CTNNA3: variants seen among roughly 807,000 people sequenced by gnomAD.
CTNNA3 encodes catenin alpha 3.
CTNNA3 carries 76 observed loss-of-function variants against 95.7 expected under a neutral mutation model. The observed-to-expected ratio is 0.79, with a 90% confidence interval of 0.66 to 0.96. The LOEUF is 0.96. Ranked by LOEUF, CTNNA3 falls within the 40% of genes least tolerant of loss-of-function variation. The probability of loss-of-function intolerance (pLI) is 0.00; values close to 1 mark genes in which losing one functional copy is unlikely to be tolerated. For synonymous variants in CTNNA3, 431 were observed against 374.4 expected, an observed-to-expected ratio of 1.15 and a Z score of -1.74; for missense variants, 1,191 against 1,089.8, an observed-to-expected ratio of 1.09 and a Z score of -1.31.
At chr10:66,032,018 A>T (rs2079457581) in intron 15 of CTNNA3, among the ~76,000 whole-genome samples, 2 of 152,228 alleles carry the variant, frequency 1.3e-5, no homozygotes, top group South Asian at 4.1e-4. Context: ...ATGAAAAATT[A>T]TGAAATAGAA....
At chr10:66,599,939 T>C (rs1030383266) in intron 10 of CTNNA3, among the ~76,000 whole-genome samples, 1 of 152,044 alleles carries the variant, frequency 6.6e-6, no homozygotes, top group Non-Finnish European at 1.5e-5. Context: ...TTGGGAAATG[T>C]TCACTTCTTA....
intron 3 of CTNNA3, among the ~76,000 whole-genome samples, chr10:67,570,159 G>T (rs556587631): frequency 6.6e-6 from 1 of 151,710 alleles, no homozygotes; most frequent in African/African-American, 2.4e-5. Context: ...TGCTGCATTC[G>T]ACATTTATTT....
intron 5 of CTNNA3, among the ~76,000 whole-genome samples, chr10:67,507,778 AT>A (rs1433091237): frequency 1.3e-5 from 2 of 152,168 alleles, no homozygotes; most frequent in Non-Finnish European, 2.9e-5. Flanking sequence ...AGAAAAGAAA[AT>A]TACAGGCCAA....
rs180743263 is a variant in CTNNA3, at chr10:67,154,050, A to T, written c.1047+26267T>A. 8.0e-3 allele frequency among the ~76,000 whole-genome samples: 1,222 copies of T among 152,064 alleles called. 8 individuals are homozygous for T. The highest frequency in any genetic ancestry group is 0.016 in the South Asian group (79 of 4,824). On this transcript the variant is annotated intron_variant, in intron 7 of 17. Coordinates refer to ENST00000433211, the MANE Select transcript of CTNNA3 (RefSeq NM_013266.4). ...CCAAAATTAAACAGAATTCTCAATT[A>T]AAAAAAACTTTGTTTTACAAACTAT...
At chr10:66,892,508 T>C (rs12250228) in intron 7 of CTNNA3, among the ~76,000 whole-genome samples, 13 of 150,990 alleles carry the variant, frequency 8.6e-5, no homozygotes, top group African/African-American at 2.9e-4. Context: ...ATAGTAAGTC[T>C]GGACACTTTT....
intron 2 of CTNNA3, among the ~76,000 whole-genome samples, chr10:67,618,771 T>C (rs1843737219): frequency 6.6e-6 from 1 of 152,182 alleles, no homozygotes; most frequent in Non-Finnish European, 1.5e-5. Flanking sequence ...AATTAAATAC[T>C]TATATTCAGT....
intron 15 of CTNNA3, among the ~76,000 whole-genome samples, chr10:65,994,061 C>T (rs932229357): frequency 6.6e-6 from 1 of 152,118 alleles, no homozygotes; most frequent in Non-Finnish European, 1.5e-5. Flanking sequence ...AATCCATTTA[C>T]CTTCAAAGTT....
chr10:66,385,234 C>G (rs192236208), intron 11 of CTNNA3, among the ~76,000 whole-genome samples: 1 of 151,956 alleles, frequency 6.6e-6, no homozygotes, highest in East Asian at 1.9e-4. Flanking sequence ...ATCAAATGAA[C>G]GCAATAAAAA....
At chr10:66,456,474 A>G (rs1045331554) in intron 11 of CTNNA3, among the ~76,000 whole-genome samples, 16 of 152,164 alleles carry the variant, frequency 1.1e-4, no homozygotes, top group African/African-American at 3.9e-4. Context: ...CCTGACCTGG[A>G]GTTTGAGACC....
intron 7 of CTNNA3, among the ~76,000 whole-genome samples, chr10:67,077,066 C>A (rs192070664): frequency 4.6e-5 from 7 of 152,252 alleles, no homozygotes; most frequent in African/African-American, 1.4e-4. Context: ...CCTCTGAGAC[C>A]TCCTAATCCC....
chr10:66,998,645 G>C (rs565413872), intron 7 of CTNNA3, among the ~76,000 whole-genome samples: 2 of 152,188 alleles, frequency 1.3e-5, no homozygotes, highest in East Asian at 3.9e-4. Context: ...AATAAAGAAG[G>C]AATCAGCAAA....
At position 67,761,826 on chromosome 10, in the gene CTNNA3, C is replaced by T. The variant is rs545560169; in HGVS notation, c.-2+1608G>A. ...CCACGAGGCGGAGCTTGCAGTGAGC[C>T]GAGATCGCACCACTGCACTCTAGCC... On this transcript the variant is annotated intron_variant, in intron 1 of 17. Transcript: ENST00000684154. Among the ~76,000 whole-genome samples, 60 of 150,570 alleles carry T rather than the reference C, an allele frequency of 4.0e-4. 2 individuals carry two copies. In the South Asian group the frequency reaches 0.012, roughly 29 times the overall value.
chr10:65,924,372 A>G (rs1442711859), intron 17 of CTNNA3, among the ~76,000 whole-genome samples: 1 of 152,156 alleles, frequency 6.6e-6, no homozygotes, highest in African/African-American at 2.4e-5. Context: ...TCTATGAGCT[A>G]AGAGTAACAA....
intron 9 of CTNNA3, among the ~76,000 whole-genome samples, chr10:66,735,577 TCTTA>T (rs1849107332): frequency 6.6e-6 from 1 of 152,060 alleles, no homozygotes; most frequent in Non-Finnish European, 1.5e-5. Context: ...ATATATTTAC[TCTTA>T]CTATTTGATT....
At chr10:66,751,609 A>G (rs916484469) in intron 9 of CTNNA3, among the ~76,000 whole-genome samples, 1 of 152,180 alleles carries the variant, frequency 6.6e-6, no homozygotes, top group Non-Finnish European at 1.5e-5. Context: ...AGTTGCTCAG[A>G]TTCACATGGT....
At chr10:67,697,849 T>A (rs1164373309), upstream of CTNNA3, among the ~76,000 whole-genome samples, 1 of 152,174 alleles carries the variant, frequency 6.6e-6, no homozygotes, top group Non-Finnish European at 1.5e-5. Flanking sequence ...TCCTAGCAAT[T>A]CAAATCACGT....
chr10:67,243,143 G>A (rs1248255991), intron 5 of CTNNA3, among the ~76,000 whole-genome samples: 1 of 151,986 alleles, frequency 6.6e-6, no homozygotes, highest in African/African-American at 2.4e-5. Context: ...AAACATGTCC[G>A]AAGTTGAGCC....
chr10:66,801,376 T>G (rs1841425123), intron 7 of CTNNA3, among the ~76,000 whole-genome samples: 1 of 151,452 alleles, frequency 6.6e-6, no homozygotes, highest in South Asian at 2.1e-4. Flanking sequence ...TAAAATCATG[T>G]GAAATTAATC....
At chr10:66,929,777 G>A (rs1230419101) in intron 7 of CTNNA3, among the ~76,000 whole-genome samples, 1 of 152,166 alleles carries the variant, frequency 6.6e-6, no homozygotes, top group African/African-American at 2.4e-5. Context: ...TATGTCATTG[G>A]TGAAAGTTTA....
Sources: allele counts gnomAD v4.1 joint callset (sites outside exome capture counted in the v4.1 genomes callset), GRCh38; gene constraint gnomAD v4.1.1; transcripts MANE v1.5; gene names NCBI Gene and HGNC (gene_info 2026-07-23, HGNC 2026-07-21).